The following CTNNA2 variants were observed in gnomAD, a reference collection of about 807,000 sequenced individuals.
CTNNA2 encodes catenin alpha 2, also known as catenin alpha-2.
A neutral mutation model predicts 101.0 loss-of-function variants in CTNNA2; 42 were observed. The observed-to-expected ratio is 0.42, with a 90% CI of 0.32 to 0.54. The LOEUF (loss-of-function observed/expected upper bound fraction) is 0.54, where lower values mean the gene tolerates loss of function less well. Among genes scored for constraint, CTNNA2 ranks in the 20% least tolerant of loss-of-function variants. The pLI, the probability that CTNNA2 is intolerant of heterozygous loss-of-function variation, is 0.14. For missense variants in CTNNA2, 871 were observed against 1,223.1 expected, an observed-to-expected ratio of 0.71 and a Z score of 4.29; for synonymous variants, 450 against 456.4, an observed-to-expected ratio of 0.99 and a Z score of 0.18.
intron 6 of CTNNA2, among the ~76,000 whole-genome samples, chr2:79,896,937 G>A (rs188568072): frequency 5.3e-5 from 8 of 152,306 alleles, no homozygotes; most frequent in East Asian, 1.9e-4. Flanking sequence ...GGCAGGAGCC[G>A]GGGGTTCATG....
At chr2:79,858,210 T>C (rs376826149) in intron 4 of CTNNA2, 31 bp downstream of exon 4, 14 of 1,563,790 alleles carry the variant, frequency 9.0e-6, no homozygotes, top group Middle Eastern at 1.7e-4. Context: ...AAAACTTTCT[T>C]TATGTGAGTG....
intron 3 of CTNNA2, among the ~76,000 whole-genome samples, chr2:79,343,448 C>T (rs557382218): frequency 2.0e-5 from 3 of 152,294 alleles, no homozygotes; most frequent in African/African-American, 7.2e-5. Flanking sequence ...TCAGAAACAA[C>T]AGTGTATGAT....
At chr2:79,988,038 G>C (rs1391464168) in intron 7 of CTNNA2, among the ~76,000 whole-genome samples, 1 of 152,212 alleles carries the variant, frequency 6.6e-6, no homozygotes, top group African/African-American at 2.4e-5. Context: ...ATTCTTGAGA[G>C]TTGACTGAAT....
At chr2:80,430,721 A>C (rs978320347) in intron 9 of CTNNA2, among the ~76,000 whole-genome samples, 15 of 152,194 alleles carry the variant, frequency 9.9e-5, no homozygotes, top group African/African-American at 2.9e-4. Context: ...GCCACATTAG[A>C]CATTAGAAGG....
chr2:79,891,545 C>T (rs939222352), intron 6 of CTNNA2, among the ~76,000 whole-genome samples: 4 of 152,070 alleles, frequency 2.6e-5, no homozygotes, highest in Admixed American at 6.6e-5. Flanking sequence ...TCTGATGGAG[C>T]GGTAGGTCTC....
chr2:79,788,067 T>A (rs1274368095), intron 3 of CTNNA2, among the ~76,000 whole-genome samples: 3 of 152,152 alleles, frequency 2.0e-5, no homozygotes, highest in Non-Finnish European at 2.9e-5. Flanking sequence ...GACATGTGGA[T>A]TTTATCACTA....
intron 6 of CTNNA2, among the ~76,000 whole-genome samples, chr2:79,881,331 T>C (rs188635845): frequency 6.6e-6 from 1 of 152,334 alleles, no homozygotes; most frequent in East Asian, 1.9e-4. Flanking sequence ...TAGGTACACT[T>C]GATCCAGAGC....
chr2:79,887,164 G>A (rs572567715), intron 6 of CTNNA2, among the ~76,000 whole-genome samples: 12 of 152,186 alleles, frequency 7.9e-5, no homozygotes, highest in Admixed American at 2.6e-4. Flanking sequence ...GCTGCCGGGG[G>A]GAGAATGAGT....
chr2:80,041,138 A>T (rs1696026764), intron 7 of CTNNA2, among the ~76,000 whole-genome samples: 1 of 152,112 alleles, frequency 6.6e-6, no homozygotes, highest in Non-Finnish European at 1.5e-5. Context: ...TATGATACGT[A>T]CTGTGGCTGA....
chr2:79,616,134 A>G (rs1240732875), intron 1 of CTNNA2, among the ~76,000 whole-genome samples: 1 of 152,314 alleles, frequency 6.6e-6, no homozygotes, highest in Admixed American at 6.5e-5. Context: ...TTGCAGAACA[A>G]GTTGGGTGGT....
intron 2 of CTNNA2, among the ~76,000 whole-genome samples, chr2:79,301,983 C>T (rs1304502379): frequency 6.6e-6 from 1 of 152,036 alleles, no homozygotes; most frequent in Non-Finnish European, 1.5e-5. Context: ...ATCCCAGCTA[C>T]TCAGAAGGTT....
chr2:79,555,156 A>C (rs1360127994), intron 1 of CTNNA2, among the ~76,000 whole-genome samples: 2 of 152,170 alleles, frequency 1.3e-5, no homozygotes, highest in Non-Finnish European at 2.9e-5. Context: ...GATGCAGGTG[A>C]CATCCTTAGG....
chr2:79,579,570 T>C (rs1238446913), intron 1 of CTNNA2, among the ~76,000 whole-genome samples: 1 of 152,172 alleles, frequency 6.6e-6, no homozygotes, highest in African/African-American at 2.4e-5. Context: ...CAGTATGATC[T>C]AACCTCCAAA....
chr2:79,347,009 T>G (rs902773504), intron 3 of CTNNA2, among the ~76,000 whole-genome samples: 8 of 152,196 alleles, frequency 5.3e-5, no homozygotes, highest in Admixed American at 4.6e-4. Flanking sequence ...ACTGTTTGGA[T>G]GATGAGTTCA....
At chr2:79,603,697 T>C (rs1677698343) in intron 1 of CTNNA2, among the ~76,000 whole-genome samples, 2 of 152,202 alleles carry the variant, frequency 1.3e-5, no homozygotes, top group South Asian at 4.1e-4. Flanking sequence ...TGTAAGTACA[T>C]TTTAAGAGCA....
Position 79,933,991 on chromosome 2 carries a change from A to G in CTNNA2, c.1056+24194A>G, listed in dbSNP as rs536964095. On this transcript the variant is annotated intron_variant, in intron 7 of 18. Transcript: ENST00000402739. ...TCCATGAGGTAATAGAAACCATTCC[A>G]AAATGAAAACAGAAGAGGTCTATGT... Among the ~76,000 whole-genome samples, 83 of 152,350 alleles carry G rather than the reference A, an allele frequency of 5.4e-4. 1 individual carries two copies. The highest frequency in any genetic ancestry group is 1.9e-3 in the African/African-American group (78 of 41,586).
At chr2:79,697,916 A>G (rs1684746999) in intron 2 of CTNNA2, 1 of 152,046 alleles carries the variant, frequency 6.6e-6, no homozygotes, top group Admixed American at 6.6e-5. Context: ...ACCAATAAGA[A>G]GGTATACTCT....
At chr2:80,186,204 T>G (rs1706117227) in intron 7 of CTNNA2, among the ~76,000 whole-genome samples, 1 of 152,234 alleles carries the variant, frequency 6.6e-6, no homozygotes, top group African/African-American at 2.4e-5. Flanking sequence ...TACATCACTC[T>G]AAAAAACTGT....
intron 1 of CTNNA2, among the ~76,000 whole-genome samples, chr2:79,569,708 C>T (rs903887156): frequency 5.3e-5 from 8 of 152,136 alleles, no homozygotes; most frequent in Admixed American, 2.6e-4. Flanking sequence ...TTAATAACTC[C>T]TTTGGCATAT....
Sources: gnomAD v4.1 joint callset for allele counts (sites outside exome capture counted in the v4.1 genomes callset) on GRCh38, gnomAD v4.1.1 for gene constraint, MANE v1.5 for transcripts, NCBI Gene and HGNC (gene_info 2026-07-23, HGNC 2026-07-21) for gene names.